DNAH12: variants seen among roughly 807,000 people sequenced by gnomAD.
DNAH12 encodes axonemal beta dynein heavy chain 12.
In DNAH12, 285 loss-of-function variants were observed where a neutral mutation model predicts 371.5. The ratio of observed to expected loss-of-function variants is 0.77; its 90% CI spans 0.70 to 0.85. The LOEUF (loss-of-function observed/expected upper bound fraction) is 0.85, where lower values mean the gene tolerates loss of function less well. Among genes scored for constraint, DNAH12 ranks in the 40% least tolerant of loss-of-function variants. DNAH12 has a pLI of 0.00. For synonymous variants in DNAH12, 1,200 were observed against 1,213.0 expected, an observed-to-expected ratio of 0.99 and a Z score of 0.22; for missense variants, 3,611 against 3,689.4, an observed-to-expected ratio of 0.98 and a Z score of 0.55.
At chr3:57,383,783 G>T (rs1179909934) in intron 49 of DNAH12, among the ~76,000 whole-genome samples, 1 of 147,840 alleles carries the variant, frequency 6.8e-6, no homozygotes, top group Non-Finnish European at 1.5e-5. Context: ...AAGGAGAAAA[G>T]AAAAGAAAAA....
At chr3:57,476,243 T>TA (rs937605405) in intron 13 of DNAH12, among the ~76,000 whole-genome samples, 15 of 151,166 alleles carry the variant, frequency 9.9e-5, no homozygotes, top group African/African-American at 2.9e-4. Flanking sequence ...TGTATAACTA[T>TA]AAAAAAAAAC....
chr3:57,503,417 T>G (rs1460140379), intron 9 of DNAH12, among the ~76,000 whole-genome samples: 1 of 149,638 alleles, frequency 6.7e-6, no homozygotes, highest in Non-Finnish European at 1.5e-5. Flanking sequence ...TGAGACGGAG[T>G]CTCACTGTGT....
chr3:57,436,161 GCTCT>G (rs1391354366), intron 30 of DNAH12, among the ~76,000 whole-genome samples: 1 of 151,814 alleles, frequency 6.6e-6, no homozygotes, highest in Admixed American at 6.6e-5. Context: ...AAGAAAGGTG[GCTCT>G]CTAAGTAAAT....
Position 57,428,799 on chromosome 3 carries a change from C to T in DNAH12, c.5087G>A (p.Gly1696Asp). Residue 1696 changes from glycine to aspartate, a missense_variant, in exon 34 of 74, where the codon GGT (glycine) becomes GAT (aspartate). Physicochemically the swap from Gly to Asp is moderately conservative, Grantham distance 94 (BLOSUM62 -1). Around this residue, in one of 3 missense-constraint regions of DNAH12, gnomAD observed 2,266 missense variants for 2,236.9 expected, o/e 1.01. Transcript: ENST00000495027. ...CTGTGAAGGCTCCAAATAAATCATA[C>T]CACAACGACTTACAGTGGCAGGCTA... is the stretch of plus-strand genomic sequence containing the variant. The part of the protein sequence containing the change: ...QASPATVSRC[G>D]MIYLEPSQLG... 5 of 1,539,928 alleles carry T rather than the reference C, an allele frequency of 3.2e-6. No individual in the cohort carries two copies. In the South Asian group the frequency reaches 4.9e-5, roughly 15 times the overall value.
chr3:57,405,825 T>G lies in DNAH12; in HGVS notation c.6404A>C (p.Lys2135Thr). The G allele has an allele frequency of 6.4e-7, 1 of 1,551,688 alleles. No homozygotes were observed. The highest frequency in any genetic ancestry group is 8.7e-7 in the Non-Finnish European group (1 of 1,146,996). ...CACAAACAGACGGATCATAGTGTGT[T>G]TGTTCGCCACGGCGTCTCTTTCAAT... Reference protein sequence around the residue: ...LLIERDAVANKHTMIRLFVHE... With the variant: ...LLIERDAVANTHTMIRLFVHE... The change falls in exon 41 of 74, where the codon AAA becomes ACA. Residue 2135 changes from lysine to threonine, a missense_variant. Around this residue, in one of 3 missense-constraint regions of DNAH12, gnomAD observed 2,266 missense variants for 2,236.9 expected, o/e 1.01. Transcript: ENST00000495027.
At chr3:57,380,592 G>A (rs997487058) in intron 50 of DNAH12, among the ~76,000 whole-genome samples, 81 of 152,268 alleles carry the variant, frequency 5.3e-4, no homozygotes, top group Non-Finnish European at 6.0e-4. Context: ...AGCCTCCCGA[G>A]TAGCTGAGAC....
intron 39 of DNAH12, among the ~76,000 whole-genome samples, chr3:57,412,217 A>C (rs554580695): frequency 9.8e-5 from 15 of 152,334 alleles, no homozygotes; most frequent in Non-Finnish European, 2.1e-4. Flanking sequence ...CCTGTCTTTT[A>C]GCAAAAGACA....
intron 69 of DNAH12, among the ~76,000 whole-genome samples, chr3:57,306,060 A>G (rs4681971): frequency 0.2 from 30,083 of 151,900 alleles, 3,306 homozygotes; most frequent in African/African-American, 0.25. Flanking sequence ...GGACCGTTCA[A>G]CTCACCTGGC....
chr3:57,315,414 C>A (rs555098047), intron 65 of DNAH12, among the ~76,000 whole-genome samples: 57 of 149,806 alleles, frequency 3.8e-4, no homozygotes, highest in African/African-American at 1.4e-3. Context: ...ATATTTTAAA[C>A]ATACTAGATG....
In DNAH12 at chr3:57,309,815, G is replaced by A. The variant is rs1286945503; in HGVS notation, c.10936C>T (p.His3646Tyr). 6 of 1,550,844 alleles carry A rather than the reference G, an allele frequency of 3.9e-6. No individual in the cohort carries two copies. The highest frequency in any genetic ancestry group is 5.2e-6 in the Non-Finnish European group (6 of 1,146,734). Reference protein sequence around the residue: ...FTQHPEIFGLHENVDISKDLQ... With the variant: ...FTQHPEIFGLYENVDISKDLQ... Reference sequence around the variant, plus strand: ...TCCTTGGAGATGTCAACGTTTTCATGTAATCCAAATATCTCAGGGTGTTGA... The same window carrying A: ...TCCTTGGAGATGTCAACGTTTTCATATAATCCAAATATCTCAGGGTGTTGA... Residue 3646 changes from histidine (H) to tyrosine (Y), a missense_variant, in exon 68 of 74, where the codon CAT becomes TAT. By Grantham distance (83) the His-to-Tyr change is moderately conservative. This residue lies in a region of DNAH12 where 2,266 missense variants were observed against 2,236.9 expected (regional missense o/e 1.01). Coordinates refer to ENST00000495027, the MANE Select transcript of DNAH12 (RefSeq NM_001366028.2).
chr3:57,404,727 AG>A (rs781955410), intron 42 of DNAH12, among the ~76,000 whole-genome samples: 8 of 152,342 alleles, frequency 5.3e-5, no homozygotes, highest in East Asian at 3.9e-4. Context: ...CTCAAAAAAA[AG>A]AAAAAGAAAA....
Position 57,405,206 on chromosome 3 carries a change from AAAC to A in DNAH12, c.6577-62_6577-60del, listed in dbSNP as rs2063987127. ...AAAACATTTAAAAATAAATTTAAGA[AAAC>A]AAAATTTTTGTTTCATCCATGTTAT... On this transcript the variant is annotated intron_variant, in intron 41 of 73. Transcript: ENST00000495027. 25 of 1,432,034 alleles carry A rather than the reference AAAC, an allele frequency of 1.7e-5. No homozygotes were observed. In the South Asian group the frequency reaches 3.3e-4, roughly 19 times the overall value. The allele number at this position is 1,432,034 out of a possible 1,614,324, so 88.7% of individuals were successfully genotyped here.
intron 59 of DNAH12, among the ~76,000 whole-genome samples, chr3:57,356,488 T>TAAAA (rs1348983261): frequency 1.4e-4 from 20 of 141,568 alleles, no homozygotes; most frequent in Admixed American, 2.1e-4. Flanking sequence ...AATAAATAAA[T>TAAAA]AAAATAAAGA....
At chr3:57,409,919 A>T (rs1553682479) in intron 39 of DNAH12, among the ~76,000 whole-genome samples, 1 of 152,168 alleles carries the variant, frequency 6.6e-6, no homozygotes, top group African/African-American at 2.4e-5. Context: ...GCTGTCAAAT[A>T]CAAGCCATCT....
chr3:57,295,246 A>G (rs2061208969), intron 73 of DNAH12, among the ~76,000 whole-genome samples: 1 of 152,332 alleles, frequency 6.6e-6, no homozygotes, highest in South Asian at 2.1e-4. Context: ...GCAGCTGTTC[A>G]ATCTGTGAAC....
chr3:57,316,420 A>T (rs1475355573), intron 65 of DNAH12, among the ~76,000 whole-genome samples: 1 of 152,188 alleles, frequency 6.6e-6, no homozygotes. Flanking sequence ...TGTGCATATT[A>T]AACATACTTC....
At chr3:57,381,236 G>GGTGTGTGT (rs1335752008) in intron 50 of DNAH12, among the ~76,000 whole-genome samples, 24 of 149,356 alleles carry the variant, frequency 1.6e-4, no homozygotes, top group South Asian at 1.5e-3. Context: ...CTGATAGGGA[G>GGTGTGTGT]GTGTGTGTGT....
In DNAH12 at chr3:57,296,946, C is replaced by T. The variant is rs972892502; in HGVS notation, c.11433G>A (p.Leu3811=). The change falls in exon 71 of 74, where the codon CTG becomes CTA. Residue 3811 remains leucine (L), a synonymous_variant. Transcript: ENST00000495027. ...YNSGKPCVFW[L]SGFFFTQAFL... ...AGGCCTGAGTGAAAAAGAAACCTGACAGCCAAAACACACAAGGTTTTCCTG... is the reference window on the plus strand; with the variant it reads ...AGGCCTGAGTGAAAAAGAAACCTGATAGCCAAAACACACAAGGTTTTCCTG... 1.9e-6 allele frequency: 3 copies of T among 1,551,550 alleles called. No individual in the cohort carries two copies. Among genetic ancestry groups the T allele is most frequent in the East Asian group, 2.4e-5 (1 of 40,926 alleles).
At chr3:57,439,658 C>T (rs1006098665) in intron 29 of DNAH12, among the ~76,000 whole-genome samples, 1 of 152,078 alleles carries the variant, frequency 6.6e-6, no homozygotes, top group Non-Finnish European at 1.5e-5. Flanking sequence ...TCCTCAAAAG[C>T]AATCGCTACA....
Sources: gnomAD v4.1 joint callset for allele counts (sites outside exome capture counted in the v4.1 genomes callset) on GRCh38, gnomAD v4.1.1 for gene constraint, gnomAD v4.1.1 regional missense constraint, MANE v1.5 for transcripts, NCBI Gene and HGNC (gene_info 2026-07-23, HGNC 2026-07-21) for gene names.